The following KLHL18 variants were observed in gnomAD, a reference collection of about 807,000 sequenced individuals.
The protein encoded by KLHL18 is kelch like family member 18.
In KLHL18, 38 loss-of-function variants were observed where a neutral mutation model predicts 58.5. That is an observed-to-expected ratio of 0.65 (90% CI 0.50 to 0.85). KLHL18 has a LOEUF of 0.85. Ranked by LOEUF, KLHL18 falls within the 40% of genes least tolerant of loss-of-function variation. The probability of loss-of-function intolerance (pLI) is 0.00; values close to 1 mark genes in which losing one functional copy is unlikely to be tolerated. For missense variants in KLHL18, 624 were observed against 778.4 expected (o/e 0.80, Z 2.36); for synonymous variants, 303 against 301.9 (o/e 1.00, Z -0.04).
intron 2 of KLHL18, among the ~76,000 whole-genome samples, chr3:47,320,834 G>A (rs770446326): frequency 5.3e-5 from 8 of 152,166 alleles, no homozygotes; most frequent in African/African-American, 7.2e-5. Context: ...TAGGAGGTGA[G>A]CCGAGGAAGT....
At chr3:47,331,815 A>C (rs1389163298) in intron 4 of KLHL18, among the ~76,000 whole-genome samples, 1 of 151,524 alleles carries the variant, frequency 6.6e-6, no homozygotes, top group Admixed American at 6.6e-5. Context: ...GAGAGGGAAG[A>C]ATTGATAATA....
At chr3:47,297,757 G>A in intron 1 of KLHL18, 1 of 402,424 alleles carries the variant, frequency 2.5e-6, no homozygotes, top group Non-Finnish European at 4.9e-6. Context: ...AATTCATTAA[G>A]TACAACTGAG....
At chr3:47,333,098 C>A in intron 4 of KLHL18, 59 bp from the exon 5 acceptor site, 3 of 1,569,084 alleles carry the variant, frequency 1.9e-6, no homozygotes, top group Non-Finnish European at 8.7e-7. Flanking sequence ...AGATTGGAGG[C>A]CTGGGGTGTG....
At position 47,319,742 on chromosome 3, in the gene KLHL18, G is replaced by A; in HGVS notation, c.219G>A (p.Glu73=). 6.2e-7 allele frequency: 1 copy of A among 1,614,046 alleles called. No homozygotes were observed. Among genetic ancestry groups the A allele is most frequent in the Non-Finnish European group, 8.5e-7 (1 of 1,179,910 alleles). The part of the protein sequence containing the change: ...FHAMFTNDMM[E]CKQDEIVMQG... ...CTATGTTTACAAATGACATGATGGA[G>A]TGCAAGCAGGATGAGATTGTAATGC... Residue 73 remains glutamate (E), a synonymous_variant, in exon 2 of 10, where the codon GAG becomes GAA. Transcript: ENST00000232766.
chr3:47,302,385 T>C (rs1315258095), intron 1 of KLHL18, among the ~76,000 whole-genome samples: 1 of 152,120 alleles, frequency 6.6e-6, no homozygotes. Flanking sequence ...CTCAGGAGCC[T>C]GAGGTGGGAG....
intron 1 of KLHL18, among the ~76,000 whole-genome samples, chr3:47,315,675 A>G (rs1703403543): frequency 6.6e-6 from 1 of 152,244 alleles, no homozygotes; most frequent in Admixed American, 6.5e-5. Context: ...CCACAAATCA[A>G]CAAGCCTACC....
chr3:47,309,264 G>A (rs995197693), intron 1 of KLHL18, among the ~76,000 whole-genome samples: 4 of 152,150 alleles, frequency 2.6e-5, no homozygotes, highest in African/African-American at 9.7e-5. Context: ...ATCATGGCCC[G>A]TTCTCAATGA....
intron 1 of KLHL18, among the ~76,000 whole-genome samples, chr3:47,300,411 A>G (rs112804487): frequency 0.19 from 491 of 2,592 alleles, 6 homozygotes; most frequent in Middle Eastern, 0.5. Context: ...GTGTGTGTGT[A>G]TATATATATA....
chr3:47,327,556 A>G (rs1207315420), intron 3 of KLHL18, among the ~76,000 whole-genome samples: 1 of 152,248 alleles, frequency 6.6e-6, no homozygotes, highest in African/African-American at 2.4e-5. Context: ...GTCTCATTCA[A>G]TCACTATAAG....
chr3:47,291,485 A>G (rs958254644), intron 1 of KLHL18, among the ~76,000 whole-genome samples: 1 of 152,218 alleles, frequency 6.6e-6, no homozygotes, highest in Non-Finnish European at 1.5e-5. Flanking sequence ...CAGATAGTAA[A>G]TACTTAAGGA....
At chr3:47,319,599 T>C in intron 1 of KLHL18, 54 bp from the exon 2 acceptor site, 1 of 1,590,020 alleles carries the variant, frequency 6.3e-7, no homozygotes, top group Non-Finnish European at 8.6e-7. Flanking sequence ...TTTGTTTGTT[T>C]GTTTTTGTTT....
chr3:47,343,534 G>A (rs1245763340), intron 9 of KLHL18, 21 bp from the exon 10 acceptor site: 2 of 1,612,334 alleles, frequency 1.2e-6, no homozygotes, highest in South Asian at 1.1e-5. Context: ...TCCTGTACCT[G>A]TGCCTCTCTC....
At position 47,292,214 on chromosome 3, in the gene KLHL18, C is replaced by T. The variant is rs572152363; in HGVS notation, c.129+9120C>T. Reference sequence around the variant, plus strand: ...TCAGAACACAAAAATGCTTTTCACGCCTGTAATCCCAGCACTTTGGGAGGC... The same window carrying T: ...TCAGAACACAAAAATGCTTTTCACGTCTGTAATCCCAGCACTTTGGGAGGC... On this transcript the variant is annotated intron_variant, in intron 1 of 9. Transcript: ENST00000232766. Among the ~76,000 whole-genome samples, 171 of 152,286 alleles carry T rather than the reference C, an allele frequency of 1.1e-3. 3 individuals are homozygous for T. The Middle Eastern group carries it at 0.027, about 24-fold the overall frequency.
chr3:47,283,779 G>A (rs892597723), intron 1 of KLHL18, among the ~76,000 whole-genome samples: 1 of 152,180 alleles, frequency 6.6e-6, no homozygotes, highest in Admixed American at 6.5e-5. Flanking sequence ...GCTAGAGCCA[G>A]CCTCCCTCCT....
intron 1 of KLHL18, among the ~76,000 whole-genome samples, chr3:47,292,326 T>G (rs1185197908): frequency 6.6e-6 from 1 of 151,770 alleles, no homozygotes; most frequent in Non-Finnish European, 1.5e-5. Context: ...AATATAAAAT[T>G]AGCCAGGCGT....
intron 3 of KLHL18, among the ~76,000 whole-genome samples, chr3:47,329,258 T>C (rs1193039177): frequency 1.3e-5 from 2 of 152,158 alleles, no homozygotes; most frequent in Admixed American, 1.3e-4. Flanking sequence ...GACGGAGTCT[T>C]GCTCTGTCGC....
intron 8 of KLHL18, among the ~76,000 whole-genome samples, chr3:47,342,408 C>A (rs1704129381): frequency 6.6e-6 from 1 of 152,208 alleles, no homozygotes; most frequent in Non-Finnish European, 1.5e-5. Flanking sequence ...TTTATAAGTA[C>A]AGCAGCTAGA....
intron 3 of KLHL18, among the ~76,000 whole-genome samples, chr3:47,329,348 C>T (rs1703800088): frequency 6.6e-6 from 1 of 152,108 alleles, no homozygotes; most frequent in Admixed American, 6.5e-5. Context: ...CTGCCTCAGC[C>T]TCCCAAGTAG....
chr3:47,325,655 C>G (rs1446884273), intron 3 of KLHL18, among the ~76,000 whole-genome samples: 1 of 152,198 alleles, frequency 6.6e-6, no homozygotes, highest in African/African-American at 2.4e-5. Flanking sequence ...CATCTTCAGC[C>G]CGCTGCTTTT....
Sources: gnomAD v4.1 joint callset for allele counts (sites outside exome capture counted in the v4.1 genomes callset) on GRCh38, gnomAD v4.1.1 for gene constraint, MANE v1.5 for transcripts, NCBI Gene and HGNC (gene_info 2026-07-23, HGNC 2026-07-21) for gene names.